Variants in TRIM36 observed in about 807,000 individuals in gnomAD.
TRIM36 encodes E3 ubiquitin-protein ligase TRIM36.
In TRIM36, 42 loss-of-function variants were observed where a neutral mutation model predicts 72.4. The observed-to-expected ratio is 0.58, with a 90% CI of 0.45 to 0.75. The LOEUF (loss-of-function observed/expected upper bound fraction) is 0.75, where lower values mean the gene tolerates loss of function less well. Ranked by LOEUF, TRIM36 falls within the 30% of genes least tolerant of loss-of-function variation. The pLI is 0.00. For synonymous variants in TRIM36, 315 were observed against 282.8 expected (o/e 1.11, Z -1.14); for missense variants, 913 against 857.1 (o/e 1.07, Z -0.81).
chr5:115,130,087 G>C (rs1752593559), intron 9 of TRIM36, among the ~76,000 whole-genome samples: 1 of 152,114 alleles, frequency 6.6e-6, no homozygotes. Context: ...AAAGCTAGTT[G>C]ACCTTATTCC....
chr5:115,141,524 CG>C, intron 4 of TRIM36, 150 bp from the exon 5 acceptor site: 1 of 489,646 alleles, frequency 2.0e-6, no homozygotes, highest in Non-Finnish European at 3.5e-6. Flanking sequence ...ATTATTAACC[CG>C]GAGTAAACAG....
chr5:115,151,857 G>A (rs59944925), intron 2 of TRIM36, among the ~76,000 whole-genome samples: 1,757 of 152,218 alleles, frequency 0.012, 36 homozygotes, highest in African/African-American at 0.04. Flanking sequence ...AAAACAACCC[G>A]TGGGACAAAA....
In TRIM36 at chr5:115,158,398, G is replaced by T. The variant is rs371819706; in HGVS notation, c.262+5120C>A. 3.9e-4 allele frequency among the ~76,000 whole-genome samples: 59 copies of T among 152,284 alleles called. 1 individual carries two copies. In the East Asian group the frequency reaches 6.7e-3, roughly 17 times the overall value. On this transcript the variant is annotated intron_variant, in intron 2 of 9. Coordinates refer to ENST00000513154, the MANE Select transcript of TRIM36 (RefSeq NM_001300759.2). ...TAAAAAAGTCAGCTTTCAGTCATTT[G>T]TTTAACCATTTAAATATCAAAGAGA...
intron 3 of TRIM36, 56 bp from the exon 4 acceptor site, chr5:115,144,800 A>G: frequency 6.6e-7 from 1 of 1,516,508 alleles, no homozygotes; most frequent in Non-Finnish European, 8.8e-7. Context: ...GTAATCTAAC[A>G]AATTACCAAA....
At chr5:115,159,713 A>T (rs550286315) in intron 2 of TRIM36, 1 of 447,104 alleles carries the variant, frequency 2.2e-6, no homozygotes, top group East Asian at 7.2e-5. Flanking sequence ...ATTTAATTTC[A>T]AAGAGAAGAT....
intron 2 of TRIM36, among the ~76,000 whole-genome samples, chr5:115,161,898 C>A (rs977900223): frequency 6.6e-6 from 1 of 152,122 alleles, no homozygotes; most frequent in Non-Finnish European, 1.5e-5. Flanking sequence ...ATTAATGCAC[C>A]CGTTTGGCCC....
At chr5:115,132,480 G>A (rs1299071825) in intron 8 of TRIM36, among the ~76,000 whole-genome samples, 1 of 149,498 alleles carries the variant, frequency 6.7e-6, no homozygotes, top group Non-Finnish European at 1.5e-5. Flanking sequence ...AGGTTGCAGT[G>A]AGCTAGTGAG....
chr5:115,131,704 AC>A (rs1752689744), intron 8 of TRIM36, among the ~76,000 whole-genome samples: 1 of 152,206 alleles, frequency 6.6e-6, no homozygotes. Flanking sequence ...ACATGCTACA[AC>A]ATGTATGATA....
intron 1 of TRIM36, among the ~76,000 whole-genome samples, chr5:115,166,985 G>C (rs1468758432): frequency 6.6e-6 from 1 of 152,126 alleles, no homozygotes; most frequent in African/African-American, 2.4e-5. Flanking sequence ...TGCACCCCTT[G>C]CTGCTCTGCA....
intron 7 of TRIM36, among the ~76,000 whole-genome samples, chr5:115,134,897 A>G (rs1259212447): frequency 1.3e-5 from 2 of 152,182 alleles, no homozygotes; most frequent in Non-Finnish European, 2.9e-5. Flanking sequence ...TTGCAAAGCA[A>G]ATTAATTTTT....
intron 4 of TRIM36, among the ~76,000 whole-genome samples, chr5:115,142,967 G>A (rs1753354511): frequency 6.6e-6 from 1 of 152,112 alleles, no homozygotes; most frequent in South Asian, 2.1e-4. Flanking sequence ...GGGAGATGCA[G>A]CTGAGTCCAA....
chr5:115,170,555 C>T (rs1371864361), upstream of TRIM36, among the ~76,000 whole-genome samples: 1 of 152,204 alleles, frequency 6.6e-6, no homozygotes, highest in African/African-American at 2.4e-5. Context: ...CCCGGCTTGT[C>T]CCAGTTCTCT....
intron 5 of TRIM36, among the ~76,000 whole-genome samples, chr5:115,139,387 CTGAGATTA>C (rs1753151129): frequency 1.3e-5 from 2 of 152,202 alleles, no homozygotes; most frequent in Admixed American, 1.3e-4. Flanking sequence ...TCCCAAAGTG[CTGAGATTA>C]CAGGCGTGAG....
intron 8 of TRIM36, among the ~76,000 whole-genome samples, chr5:115,132,214 ATATACATATATATATATATTTTAAACAG>A (rs1290154629): frequency 2.0e-5 from 3 of 150,634 alleles, no homozygotes; most frequent in Non-Finnish European, 4.4e-5. Flanking sequence ...GTATATATAT[ATATACATATATATATATATTTTAAACAG>A]GCTGCTAGCA....
intron 2 of TRIM36, among the ~76,000 whole-genome samples, chr5:115,151,114 G>A (rs1408086464): frequency 6.6e-6 from 1 of 152,190 alleles, no homozygotes; most frequent in African/African-American, 2.4e-5. Context: ...TTTGCAGCTG[G>A]GAGGCGGGTA....
intron 2 of TRIM36, among the ~76,000 whole-genome samples, chr5:115,158,000 A>C (rs1250348829): frequency 6.6e-6 from 1 of 152,144 alleles, no homozygotes; most frequent in Non-Finnish European, 1.5e-5. Context: ...AAAAGACTAC[A>C]AATAGGGTGC....
At position 115,176,125 on chromosome 5, in the gene TRIM36, C is replaced by CA. The variant is rs1365633094; in HGVS notation, c.63+3849dup. Among the ~76,000 whole-genome samples, 58 of 149,786 alleles carry CA rather than the reference C, an allele frequency of 3.9e-4. No homozygotes were observed. In the South Asian group the frequency reaches 5.1e-3, roughly 13 times the overall value. ...TGGGCAACAGAGTAAAACTGTGTCT[C>CA]AAAAAAAAATAAAAATAAAAATAAA... On this transcript the variant is annotated intron_variant, in intron 1 of 9. Coordinates refer to the TRIM36 transcript ENST00000282369.
chr5:115,128,058 A>T (rs1752445431), intron 9 of TRIM36, among the ~76,000 whole-genome samples: 1 of 145,862 alleles, frequency 6.9e-6, no homozygotes, highest in South Asian at 2.4e-4. Context: ...ATTAAAAAAA[A>T]AAACTTGTAG....
upstream of TRIM36, chr5:115,180,223 G>C (rs539993726): frequency 4.2e-5 from 23 of 549,938 alleles, no homozygotes; most frequent in African/African-American, 3.6e-4. Flanking sequence ...GGCCATCGAG[G>C]GCTCCCGGGC....
Sources: gnomAD v4.1 joint callset for allele counts (sites outside exome capture counted in the v4.1 genomes callset) on GRCh38, gnomAD v4.1.1 for gene constraint, MANE v1.5 for transcripts, NCBI Gene and HGNC (gene_info 2026-07-23, HGNC 2026-07-21) for gene names.